Variants in AP1B1 observed in about 807,000 individuals in gnomAD.
AP1B1 encodes the protein AP-1 complex subunit beta-1.
In AP1B1, 36 loss-of-function variants were observed where a neutral mutation model predicts 104.3. The ratio of observed to expected loss-of-function variants is 0.35; its 90% confidence interval spans 0.26 to 0.46. AP1B1 has a LOEUF of 0.46. Among genes scored for constraint, AP1B1 ranks in the 20% least tolerant of loss-of-function variants. The pLI, the probability that AP1B1 is intolerant of heterozygous loss-of-function variation, is 1.00. For synonymous variants in AP1B1, 504 were observed against 517.5 expected (o/e 0.97, Z 0.35); for missense variants, 901 against 1,247.9 (o/e 0.72, Z 4.19).
Position 29,350,963 on chromosome 22 carries a change from C to T in AP1B1, c.1155+208G>A, listed in dbSNP as rs559805840. Among the ~76,000 whole-genome samples the T allele has an allele frequency of 8.5e-5, 13 of 152,296 alleles. No homozygotes were observed. The South Asian group carries it at 1.9e-3, about 22-fold the overall frequency. Reference sequence around the variant, plus strand: ...CATGATTATGATGGGTTAATTTGATCGGCAGCAACTCGAAGGCCTAAAGGA... The same window carrying T: ...CATGATTATGATGGGTTAATTTGATTGGCAGCAACTCGAAGGCCTAAAGGA... On this transcript the variant is annotated intron_variant, in intron 9 of 22. Coordinates refer to ENST00000357586, the MANE Select transcript of AP1B1 (RefSeq NM_001127.4).
chr22:29,378,205 T>G (rs1382632158), intron 1 of AP1B1, among the ~76,000 whole-genome samples: 1 of 152,128 alleles, frequency 6.6e-6, no homozygotes, highest in Non-Finnish European at 1.5e-5. Context: ...AAAGCCTATC[T>G]GGGTGCGCTT....
intron 7 of AP1B1, 93 bp downstream of exon 7, chr22:29,354,557 G>T: frequency 8.2e-7 from 1 of 1,218,242 alleles, no homozygotes; most frequent in Non-Finnish European, 1.2e-6. Flanking sequence ...CTTCCTGCAT[G>T]GTGACAGGTC....
At chr22:29,383,453 G>A (rs1044729860) in intron 1 of AP1B1, among the ~76,000 whole-genome samples, 97 of 152,252 alleles carry the variant, frequency 6.4e-4, no homozygotes, top group African/African-American at 2.2e-3. Flanking sequence ...GCTCACGCCT[G>A]TAATCCCAGC....
At chr22:29,376,562 T>G (rs2062345334) in intron 1 of AP1B1, among the ~76,000 whole-genome samples, 1 of 152,200 alleles carries the variant, frequency 6.6e-6, no homozygotes, top group Admixed American at 6.5e-5. Context: ...GAACTGCCAC[T>G]GTTAAACACT....
In AP1B1 at chr22:29,352,221, T is replaced by A. The variant is rs118099248; in HGVS notation, c.939-396A>T. ...TACAGAAACATGTTACTACTGCAGG[T>A]CTGGGACTGCTAGCCTCAGAAGGCC... On this transcript the variant is annotated intron_variant, in intron 7 of 22. Coordinates refer to ENST00000357586, the MANE Select transcript of AP1B1 (RefSeq NM_001127.4). Among the ~76,000 whole-genome samples the A allele has an allele frequency of 2.4e-4, 36 of 152,324 alleles. No homozygotes were observed. The East Asian group carries it at 5.6e-3, about 24-fold the overall frequency.
At chr22:29,338,947 A>C in intron 16 of AP1B1, 43 bp downstream of exon 16, 2 of 1,611,912 alleles carry the variant, frequency 1.2e-6, no homozygotes, top group Middle Eastern at 3.3e-4. Context: ...CAGTCTCCAT[A>C]ACTTCTCTCT....
chr22:29,331,504 G>C lies in AP1B1; in HGVS notation c.2469C>G (p.Phe823Leu). The C allele has an allele frequency of 6.2e-7, 1 of 1,614,216 alleles. No individual in the cohort carries two copies. The highest frequency in any genetic ancestry group is 8.5e-7 in the Non-Finnish European group (1 of 1,180,034). Residue 823 changes from phenylalanine (F) to leucine (L), a missense_variant, in exon 19 of 23, where the codon TTC becomes TTG. Coordinates refer to ENST00000357586, the MANE Select transcript of AP1B1 (RefSeq NM_001127.4). ...QVAVKNNIDV[F>L]YFSTLYPLHI... The stretch of plus-strand genomic sequence containing the variant: ...GCAGTGGGTACAAGGTGCTGAAGTA[G>C]AAGACATCGATGTTGTTCTTCACGG...
At chr22:29,384,868 G>GA (rs890469890) in intron 1 of AP1B1, among the ~76,000 whole-genome samples, 43 of 145,632 alleles carry the variant, frequency 3.0e-4, no homozygotes, top group East Asian at 7.9e-4. Flanking sequence ...ACTCTGTCTG[G>GA]AAAAAAAAAA....
At chr22:29,351,417 T>C in intron 8 of AP1B1, 151 bp from the exon 9 acceptor site, 5 of 990,572 alleles carry the variant, frequency 5.0e-6, no homozygotes, top group Non-Finnish European at 7.8e-6. Flanking sequence ...AGCTGGCAGG[T>C]GCCTGAAAAG....
chr22:29,330,627 A>C lies in AP1B1; in HGVS notation c.2607T>G (p.Asn869Lys). ...TCGGGGGCTCGGAGTCCTCACCTGC[A>C]TTGAGGGGGCAGTCTCTGATCTGGA... Reference protein sequence around the residue: ...AQFQIRDCPLNAEAASSKLQS... With the variant: ...AQFQIRDCPLKAEAASSKLQS... Residue 869 changes from asparagine (N) to lysine (K), a missense_variant, in exon 20 of 23, where the codon AAT (asparagine) becomes AAG (lysine). Around this residue, in one of 3 missense-constraint regions of AP1B1, gnomAD observed 424 missense variants for 494.0 expected, o/e 0.86. Transcript: ENST00000357586. 6.2e-7 allele frequency: 1 copy of C among 1,613,824 alleles called. No individual in the cohort carries two copies. The highest frequency in any genetic ancestry group is 8.5e-7 in the Non-Finnish European group (1 of 1,179,904).
chr22:29,360,382 G>T (rs2062027467), intron 3 of AP1B1, among the ~76,000 whole-genome samples: 2 of 152,116 alleles, frequency 1.3e-5, no homozygotes, highest in Admixed American at 1.3e-4. Flanking sequence ...ACATACTTAG[G>T]TATCTGGTCC....
intron 1 of AP1B1, among the ~76,000 whole-genome samples, chr22:29,380,858 C>T (rs140500652): frequency 1.3e-5 from 2 of 152,280 alleles, no homozygotes; most frequent in Admixed American, 6.5e-5. Context: ...CTCTGCTCAA[C>T]GTCTTCCAAC....
intron 22 of AP1B1, chr22:29,329,181 T>G (rs1602675540): frequency 8.0e-7 from 1 of 1,246,432 alleles, no homozygotes. Flanking sequence ...TGCCAGGGAG[T>G]GCCCGGCCCC....
chr22:29,385,814 T>C (rs2062513227), intron 1 of AP1B1, among the ~76,000 whole-genome samples: 1 of 152,240 alleles, frequency 6.6e-6, no homozygotes, highest in Non-Finnish European at 1.5e-5. Context: ...CAAGCCATGT[T>C]TGCTTACTGT....
intron 11 of AP1B1, among the ~76,000 whole-genome samples, chr22:29,347,199 G>A (rs1405309508): frequency 6.6e-6 from 1 of 152,166 alleles, no homozygotes; most frequent in Non-Finnish European, 1.5e-5. Flanking sequence ...AGTCCCAGAA[G>A]AGAGCATGCT....
At chr22:29,343,926 C>T (rs895300519) in intron 11 of AP1B1, among the ~76,000 whole-genome samples, 1 of 152,026 alleles carries the variant, frequency 6.6e-6, no homozygotes, top group African/African-American at 2.4e-5. Flanking sequence ...GCCTGGCCAA[C>T]ATGGTGAAAC....
Position 29,347,048 on chromosome 22 carries a change from A to T in AP1B1, c.1437+2170T>A, listed in dbSNP as rs559890464. On this transcript the variant is annotated intron_variant, in intron 11 of 22. Coordinates refer to ENST00000357586, the MANE Select transcript of AP1B1 (RefSeq NM_001127.4). ...GACTTTTGCTGGAACTACTGAGGGG[A>T]GGGGAAAAACTCTTCCCATGGGAGT... Among the ~76,000 whole-genome samples, 5 of 152,204 alleles carry T rather than the reference A, an allele frequency of 3.3e-5. No individual in the cohort carries two copies. In the South Asian group the frequency reaches 1.0e-3, roughly 32 times the overall value.
chr22:29,329,947 G>A, intron 21 of AP1B1: 1 of 1,423,056 alleles, frequency 7.0e-7, no homozygotes, highest in Non-Finnish European at 9.2e-7. Flanking sequence ...CAGGCCTCCA[G>A]GACAACTGTG....
intron 10 of AP1B1, among the ~76,000 whole-genome samples, chr22:29,349,661 A>G (rs2061843947): frequency 6.6e-6 from 1 of 152,068 alleles, no homozygotes; most frequent in South Asian, 2.1e-4. Flanking sequence ...TTACAGGGAC[A>G]TGCCACCACA....
Sources: allele counts gnomAD v4.1 joint callset (sites outside exome capture counted in the v4.1 genomes callset), GRCh38; gene constraint gnomAD v4.1.1; regional missense constraint gnomAD v4.1.1; transcripts MANE v1.5; gene names NCBI Gene and HGNC (gene_info 2026-07-23, HGNC 2026-07-21).